Variants in PTK7 observed in about 807,000 individuals in gnomAD.
PTK7 encodes the protein protein tyrosine kinase 7 (inactive).
PTK7 carries 39 observed loss-of-function variants against 116.6 expected under a neutral mutation model. That is an observed-to-expected ratio of 0.33 (90% CI 0.26 to 0.44). PTK7 has a LOEUF of 0.44. PTK7 is among the 20% of genes least tolerant of loss of function. PTK7 has a pLI of 1.00. For synonymous variants in PTK7, 546 were observed against 563.6 expected, an observed-to-expected ratio of 0.97 and a Z score of 0.44; for missense variants, 1,169 against 1,425.6, an observed-to-expected ratio of 0.82 and a Z score of 2.90.
intron 1 of PTK7, among the ~76,000 whole-genome samples, chr6:43,118,659 CTATATATA>C (rs58935341): frequency 0.042 from 2,208 of 52,764 alleles, 47 homozygotes; most frequent in African/African-American, 0.068. Flanking sequence ...CTCTCTCTCT[CTATATATA>C]TATATATATA....
intron 7 of PTK7, 199 bp downstream of exon 7, chr6:43,132,886 A>C (rs1769785875): frequency 1.4e-6 from 1 of 713,086 alleles, no homozygotes; most frequent in Non-Finnish European, 2.4e-6. Context: ...CTCCAGAGGA[A>C]ATAGTGACAG....
At chr6:43,116,662 G>A (rs1033055418) in intron 1 of PTK7, among the ~76,000 whole-genome samples, 5 of 145,996 alleles carry the variant, frequency 3.4e-5, no homozygotes, top group South Asian at 2.2e-4. Flanking sequence ...GCGCGCGCAC[G>A]CACGCACGCA....
intron 1 of PTK7, among the ~76,000 whole-genome samples, chr6:43,100,634 C>T (rs1344260939): frequency 6.6e-6 from 1 of 151,636 alleles, no homozygotes; most frequent in Non-Finnish European, 1.5e-5. Flanking sequence ...TTAATTTGGC[C>T]GTGTCCAATT....
chr6:43,116,602 GTTTGTGTGTGTGTGTGTGT>G (rs1768535629), intron 1 of PTK7, among the ~76,000 whole-genome samples: 1 of 124,618 alleles, frequency 8.0e-6, no homozygotes, highest in African/African-American at 3.6e-5. Flanking sequence ...GGAAAAGCTG[GTTTGTGTGTGTGTGTGTGT>G]GTGTGTGTGT....
intron 1 of PTK7, among the ~76,000 whole-genome samples, chr6:43,080,781 A>G (rs1294928175): frequency 3.3e-5 from 5 of 152,174 alleles, no homozygotes; most frequent in Non-Finnish European, 4.4e-5. Flanking sequence ...GTCTCTACTA[A>G]GAATACAAAA....
rs928524698 is a variant in PTK7, at chr6:43,129,919, T to G, written c.470+90T>G. 1.3e-5 allele frequency: 17 copies of G among 1,271,678 alleles called. No individual in the cohort carries two copies. In the African/African-American group the frequency reaches 2.2e-4, roughly 16 times the overall value. 78.8% of individuals were successfully genotyped at this position (1,271,678 alleles called of 1,614,324 possible). On this transcript the variant is annotated intron_variant, in intron 3 of 19. Transcript: ENST00000230419. The surrounding 1 kb of genome is among the most constrained non-coding windows in gnomAD (Gnocchi z 4.5). ...GGACTCTATGCGGATGTTACCTCGC[T>G]CCATTCTGTGACCACTCGTTCCACC...
chr6:43,127,878 A>G (rs565598543), intron 1 of PTK7, among the ~76,000 whole-genome samples: 6 of 152,162 alleles, frequency 3.9e-5, no homozygotes, highest in African/African-American at 1.4e-4. Flanking sequence ...GCAGTGAGCC[A>G]AGATCGCGCT....
intron 1 of PTK7, among the ~76,000 whole-genome samples, chr6:43,081,390 TTTTG>T (rs1405062152): frequency 6.6e-6 from 1 of 152,112 alleles, no homozygotes; most frequent in Admixed American, 6.6e-5. Flanking sequence ...TAGGTGGTTT[TTTTG>T]TTTGTTGTTT....
Position 43,129,610 on chromosome 6 carries a change from T to C in PTK7, c.368-117T>C. ...CCAGCCTCAGCCTCCAGGGCTTCCT[T>C]GTGTCTGTTGGCACAGAGCCTCGAG... On this transcript the variant is annotated intron_variant, in intron 2 of 19. Transcript: ENST00000230419. This position sits in a 1 kb window ranked among gnomAD's most constrained non-coding sequence, Gnocchi z 4.5. 2 of 898,382 alleles carry C rather than the reference T, an allele frequency of 2.2e-6. No individual in the cohort carries two copies. The highest frequency in any genetic ancestry group is 3.6e-6 in the Non-Finnish European group (2 of 563,342). 55.7% of individuals were successfully genotyped at this position (898,382 alleles called of 1,614,324 possible). A position where few individuals can be genotyped will look rare whatever the true frequency, so the allele number is the denominator to read the frequency against.
intron 13 of PTK7, chr6:43,142,502 GGTGT>G (rs142795079): frequency 4.3e-4 from 330 of 768,006 alleles, no homozygotes; most frequent in Non-Finnish European, 5.3e-4. Flanking sequence ...TCCAACGGTC[GGTGT>G]GTGTGTGTGT....
At chr6:43,124,236 G>A (rs889657669) in intron 1 of PTK7, among the ~76,000 whole-genome samples, 5 of 152,176 alleles carry the variant, frequency 3.3e-5, no homozygotes, top group Admixed American at 1.3e-4. Context: ...CCTCAATCCC[G>A]AACCGCCTGC....
chr6:43,157,382 T>A (rs1447621384), intron 17 of PTK7, among the ~76,000 whole-genome samples: 2 of 105,478 alleles, frequency 1.9e-5, no homozygotes, highest in African/African-American at 3.5e-5. Flanking sequence ...TTTTCTTTTT[T>A]TTTTTTTTTT....
chr6:43,144,770 T>C, intron 15 of PTK7, 164 bp downstream of exon 15: 1 of 744,962 alleles, frequency 1.3e-6, no homozygotes, highest in Non-Finnish European at 2.0e-6. Flanking sequence ...GAGCCTGTTA[T>C]TCACTGCCCT....
intron 17 of PTK7, among the ~76,000 whole-genome samples, chr6:43,156,909 A>G (rs1260468093): frequency 6.6e-6 from 1 of 151,000 alleles, no homozygotes; most frequent in Non-Finnish European, 1.5e-5. Context: ...AAACAAGCAA[A>G]CAAACAAAAG....
intron 1 of PTK7, among the ~76,000 whole-genome samples, chr6:43,114,714 T>G (rs1582120856): frequency 6.6e-6 from 1 of 152,180 alleles, no homozygotes; most frequent in East Asian, 1.9e-4. Flanking sequence ...TGCTTTATGT[T>G]TCCCTCTGAA....
At position 43,129,246 on chromosome 6, in the gene PTK7, G is replaced by A. The variant is rs746251941; in HGVS notation, c.349G>A (p.Ala117Thr). ...VTGEEARSANASFNIKWIEAG... is the reference protein window; with the variant it reads ...VTGEEARSANTSFNIKWIEAG... The stretch of plus-strand genomic sequence containing the variant: ...TGGAGAAGAAGCCCGCAGTGCCAAC[G>A]CCTCCTTCAACATCAAATGTGAGAG... The change falls in exon 2 of 20, where the codon GCC becomes ACC. Residue 117 changes from alanine (A) to threonine (T), a missense_variant. Transcript: ENST00000230419. The surrounding 1 kb of genome is among the most constrained non-coding windows in gnomAD (Gnocchi z 4.5). 4.3e-6 allele frequency: 7 copies of A among 1,613,928 alleles called. No homozygotes were observed. The highest frequency in any genetic ancestry group is 2.2e-5 in the South Asian group (2 of 91,086).
At chr6:43,132,719 G>A in intron 7 of PTK7, 32 bp downstream of exon 7, 5 of 1,552,424 alleles carry the variant, frequency 3.2e-6, no homozygotes, top group Non-Finnish European at 4.4e-6. Context: ...GTCAAGGAGA[G>A]GTGGAGGGGA....
At chr6:43,137,838 A>G (rs1770132259) in intron 7 of PTK7, among the ~76,000 whole-genome samples, 1 of 151,754 alleles carries the variant, frequency 6.6e-6, no homozygotes, top group African/African-American at 2.4e-5. Flanking sequence ...ATGGAGTCTC[A>G]CTCTTTCGCC....
intron 1 of PTK7, among the ~76,000 whole-genome samples, chr6:43,086,101 G>A (rs1017778236): frequency 6.6e-6 from 1 of 152,196 alleles, no homozygotes; most frequent in Non-Finnish European, 1.5e-5. Context: ...TTCTCCCAAG[G>A]GGTGGGTTGG....
Sources: allele counts gnomAD v4.1 joint callset (sites outside exome capture counted in the v4.1 genomes callset), GRCh38; gene constraint gnomAD v4.1.1; non-coding constraint Gnocchi (gnomAD v3.1); transcripts MANE v1.5; gene names NCBI Gene and HGNC (gene_info 2026-07-23, HGNC 2026-07-21).